Variants in ZNF813 observed in about 807,000 individuals in gnomAD.
ZNF813 encodes the protein zinc finger protein 813.
ZNF813 carries 3 observed loss-of-function variants against 7.2 expected under a neutral mutation model. That is an observed-to-expected ratio of 0.42 (90% CI 0.19 to 1.08). ZNF813 has a LOEUF of 1.08. ZNF813 is among the 50% of genes least tolerant of loss of function. The pLI is 0.30. For synonymous variants in ZNF813, 227 were observed against 256.3 expected (o/e 0.89, Z 1.09); for missense variants, 714 against 753.3 (o/e 0.95, Z 0.61).
At chr19:53,478,143 T>C (rs1204062856) in intron 1 of ZNF813, among the ~76,000 whole-genome samples, 1 of 152,096 alleles carries the variant, frequency 6.6e-6, no homozygotes, top group Non-Finnish European at 1.5e-5. Context: ...AATGACTTTC[T>C]GTTATTACAT....
chr19:53,486,017 G>T (rs1027391234), intron 2 of ZNF813, among the ~76,000 whole-genome samples: 5 of 152,126 alleles, frequency 3.3e-5, no homozygotes. Flanking sequence ...TGCTGCATCA[G>T]CCTCCCGGGT....
chr19:53,482,444 C>G (rs1208857570), intron 1 of ZNF813, among the ~76,000 whole-genome samples: 1 of 152,206 alleles, frequency 6.6e-6, no homozygotes, highest in African/African-American at 2.4e-5. Flanking sequence ...GGAGCTTGCC[C>G]TCATCTTATG....
intron 3 of ZNF813, among the ~76,000 whole-genome samples, chr19:53,489,606 A>C (rs1210240918): frequency 6.6e-6 from 1 of 152,158 alleles, no homozygotes; most frequent in Non-Finnish European, 1.5e-5. Context: ...TCATCTCGAA[A>C]ATAAAAAAAT....
intron 2 of ZNF813, among the ~76,000 whole-genome samples, chr19:53,485,613 TA>T (rs1323324847): frequency 7.7e-6 from 1 of 130,708 alleles, no homozygotes; most frequent in Middle Eastern, 3.6e-3. Flanking sequence ...TATATCGTGA[TA>T]TATACATGCA....
chr19:53,468,682 A>G (rs2086340659), intron 1 of ZNF813, among the ~76,000 whole-genome samples: 1 of 152,172 alleles, frequency 6.6e-6, no homozygotes, highest in Admixed American at 6.5e-5. Context: ...CTTCACCCAA[A>G]CATCTCAGTG....
intron 1 of ZNF813, among the ~76,000 whole-genome samples, chr19:53,473,649 G>A (rs571907730): frequency 8.5e-5 from 13 of 152,318 alleles, no homozygotes; most frequent in African/African-American, 3.1e-4. Context: ...AACCTAAACA[G>A]AGTCTCCAGG....
intron 2 of ZNF813, 35 bp downstream of exon 2, chr19:53,483,872 C>T (rs764690516): frequency 6.2e-7 from 1 of 1,613,816 alleles, no homozygotes; most frequent in Non-Finnish European, 8.5e-7. Context: ...GTTCTGTCTC[C>T]TTCCCCTCAG....
intron 1 of ZNF813, among the ~76,000 whole-genome samples, chr19:53,470,461 G>A (rs1367262775): frequency 7.1e-6 from 1 of 141,202 alleles, no homozygotes; most frequent in East Asian, 2.0e-4. Flanking sequence ...TCATGAAAAA[G>A]CAGGTTTTCT....
In ZNF813 at chr19:53,496,102, C is replaced by A; in HGVS notation, c.*4016C>A. 4.0e-6 allele frequency: 1 copy of A among 248,382 alleles called. No homozygotes were observed. Among genetic ancestry groups the A allele is most frequent in the South Asian group, 5.8e-5 (1 of 17,318 alleles). The allele number at this position is 248,382 out of a possible 1,614,324, so 15.4% of individuals were successfully genotyped here. On this transcript the variant is annotated 3_prime_UTR_variant, in exon 4 of 4. Transcript: ENST00000396403. ...GAGCATTACAATCGCGTTACCATAT[C>A]AAGCTGAAAATGTCACCACTATCTG...
chr19:53,478,373 T>C (rs1288757840), intron 1 of ZNF813, among the ~76,000 whole-genome samples: 1 of 152,062 alleles, frequency 6.6e-6, no homozygotes, highest in Non-Finnish European at 1.5e-5. Flanking sequence ...GGTTTCGCTA[T>C]GTTTCCCAGG....
intron 1 of ZNF813, among the ~76,000 whole-genome samples, chr19:53,478,509 G>A (rs1477595732): frequency 2.0e-5 from 3 of 152,112 alleles, no homozygotes; most frequent in Non-Finnish European, 2.9e-5. Flanking sequence ...AAAACGTGGT[G>A]GCTCCTGCCA....
At chr19:53,473,737 T>C (rs1299929744) in intron 1 of ZNF813, among the ~76,000 whole-genome samples, 3 of 152,230 alleles carry the variant, frequency 2.0e-5, no homozygotes, top group South Asian at 2.1e-4. Flanking sequence ...GCATGGCTAT[T>C]ATTAAAGCCT....
rs762813540 is a variant in ZNF813, at chr19:53,490,502, T to G, written c.270T>G (p.Ile90Met). ...HHTGDFRFQEIDKDIHNLEFQ... is the reference protein window; with the variant it reads ...HHTGDFRFQEMDKDIHNLEFQ... ...CTGGAGACTTTCGCTTTCAGGAAAT[T>G]GATAAAGATATTCATAACTTAGAGT... The change falls in exon 4 of 4, where the codon ATT becomes ATG. Residue 90 changes from isoleucine to methionine, a missense_variant. Physicochemically the swap from Ile to Met is conservative, Grantham distance 10 (BLOSUM62 1). Coordinates refer to ENST00000396403, the MANE Select transcript of ZNF813 (RefSeq NM_001004301.4). 20 of 1,613,978 alleles carry G rather than the reference T, an allele frequency of 1.2e-5. No homozygotes were observed. The South Asian group carries it at 1.6e-4, about 13-fold the overall frequency.
intron 1 of ZNF813, among the ~76,000 whole-genome samples, chr19:53,468,481 C>T (rs1282184187): frequency 6.6e-6 from 1 of 152,184 alleles, no homozygotes; most frequent in Non-Finnish European, 1.5e-5. Context: ...GGACCGGCAC[C>T]AGTGCCAGCC....
rs776926947 is a variant in ZNF813 at position 53,490,734 on chromosome 19, ATCAACGATGCTTCCTCAATT to A, written c.508_527del (p.Asp170IlefsTer7). ...AATTGGTAATCAAGTGGAGAAGTCT[ATCAACGATGCTTCCTCAATT>A]TCAACATCCCAAAGAATTTCTTGTA... On this transcript the variant is annotated frameshift_variant, in exon 4 of 4. Coordinates refer to ENST00000396403, the MANE Select transcript of ZNF813 (RefSeq NM_001004301.4). LOFTEE classifies it low-confidence loss of function (END_TRUNC). 1 of 1,614,114 alleles carries A rather than the reference ATCAACGATGCTTCCTCAATT, an allele frequency of 6.2e-7. No individual in the cohort carries two copies. The highest frequency in any genetic ancestry group is 8.5e-7 in the Non-Finnish European group (1 of 1,180,034).
rs2617687 is a variant in ZNF813, at chr19:53,479,468, C to A, written c.-73-4282C>A. The A allele has an allele frequency of 2.0e-3, 2,989 of 1,499,114 alleles. 51 individuals carry two copies. The African/African-American group carries it at 0.034, about 17-fold the overall frequency. 92.9% of individuals were successfully genotyped at this position (1,499,114 alleles called of 1,614,324 possible). On this transcript the variant is annotated intron_variant, in intron 1 of 3. Coordinates refer to ENST00000396403, the MANE Select transcript of ZNF813 (RefSeq NM_001004301.4). The stretch of plus-strand genomic sequence containing the variant: ...TGAGAAGCTGAGAGAGAAAGGTGGG[C>A]CCGGGAACAGGCTGAGGCTGAAGTG...
rs542464002 is a variant in ZNF813 at position 53,479,626 on chromosome 19, A to G, written c.-73-4124A>G. On this transcript the variant is annotated intron_variant, in intron 1 of 3. Transcript: ENST00000396403. ...TGAGAGTGAGAGAGATACAAAGGTT[A>G]TTGAAATCTGGGCCTTAAAAGATGA... The G allele has an allele frequency of 2.5e-3, 3,085 of 1,216,832 alleles. 17 individuals carry two copies. The highest frequency in any genetic ancestry group is 0.018 in the South Asian group (1,461 of 82,320). 75.4% of individuals were successfully genotyped at this position (1,216,832 alleles called of 1,614,324 possible).
At chr19:53,476,274 A>G (rs1373456303) in intron 1 of ZNF813, among the ~76,000 whole-genome samples, 3 of 152,172 alleles carry the variant, frequency 2.0e-5, no homozygotes, top group Admixed American at 6.5e-5. Flanking sequence ...ATACTGCAAC[A>G]AGGTGCAGTT....
Position 53,475,274 on chromosome 19 carries a change from C to T in ZNF813, c.-74+7485C>T, listed in dbSNP as rs140050399. Among the ~76,000 whole-genome samples, 929 of 152,322 alleles carry T rather than the reference C, an allele frequency of 6.1e-3. 1 individual carries two copies. Among genetic ancestry groups the T allele is most frequent in the African/African-American group, 0.021 (893 of 41,546 alleles). On this transcript the variant is annotated intron_variant, in intron 1 of 3. Coordinates refer to ENST00000396403, the MANE Select transcript of ZNF813 (RefSeq NM_001004301.4). ...AATTCTGCCTTTTGAGCTGATGTTC[C>T]GGTAGGCAGAGGCTGAGCCTCTACT... is the stretch of plus-strand genomic sequence containing the variant.
Sources: allele counts gnomAD v4.1 joint callset (sites outside exome capture counted in the v4.1 genomes callset), GRCh38; gene constraint gnomAD v4.1.1; transcripts MANE v1.5; gene names NCBI Gene and HGNC (gene_info 2026-07-23, HGNC 2026-07-21).